The following LIFR variants were observed in gnomAD, a reference collection of about 807,000 sequenced individuals.
The protein encoded by LIFR is leukemia inhibitory factor receptor.
A neutral mutation model predicts 122.2 loss-of-function variants in LIFR; 84 were observed. The ratio of observed to expected loss-of-function variants is 0.69; its 90% CI spans 0.58 to 0.82. The LOEUF is 0.82. Among genes scored for constraint, LIFR ranks in the 40% least tolerant of loss-of-function variants. LIFR has a pLI of 0.00. For missense variants in LIFR, 1,294 were observed against 1,311.6 expected, an observed-to-expected ratio of 0.99 and a Z score of 0.21; for synonymous variants, 422 against 434.7, an observed-to-expected ratio of 0.97 and a Z score of 0.36.
Position 38,493,799 on chromosome 5 carries a change from G to A in LIFR, c.1886-14C>T. 2 of 1,610,270 alleles carry A rather than the reference G, an allele frequency of 1.2e-6. No homozygotes were observed. Among genetic ancestry groups the A allele is most frequent in the South Asian group, 1.1e-5 (1 of 90,980 alleles). On this transcript the variant is annotated splice_polypyrimidine_tract_variant and intron_variant, in intron 13 of 19. Transcript: ENST00000453190. Reference sequence around the variant, plus strand: ...TTTTGAGATCATCTTCAATAAGAAAGGAGGATATTTTACTGGCATTAAAAA... The same window carrying A: ...TTTTGAGATCATCTTCAATAAGAAAAGAGGATATTTTACTGGCATTAAAAA...
Position 38,475,713 on chromosome 5 carries a change from G to T in LIFR, c.*5882C>A, listed in dbSNP as rs1743694100. 5.3e-6 allele frequency: 1 copy of T among 188,196 alleles called. No individual in the cohort carries two copies. The highest frequency in any genetic ancestry group is 1.1e-5 in the Non-Finnish European group (1 of 89,280). 11.7% of individuals were successfully genotyped at this position (188,196 alleles called of 1,614,324 possible). On this transcript the variant is annotated 3_prime_UTR_variant, in exon 20 of 20. Transcript: ENST00000453190. The stretch of plus-strand genomic sequence containing the variant: ...CAGTAATTCACTATAATGCAATTTT[G>T]AAAGTAAAAAAAGGTAATTTCCTAG...
rs1037570036 is a variant in LIFR, at chr5:38,474,936, A to C, written c.*6659T>G. On this transcript the variant is annotated 3_prime_UTR_variant, in exon 20 of 20. Transcript: ENST00000453190. Reference sequence around the variant, plus strand: ...TCCTAAGTGTGTAACATGGGGAAAAACCCAATAATGCCCAAGTCTGTCAGT... The same window carrying C: ...TCCTAAGTGTGTAACATGGGGAAAACCCCAATAATGCCCAAGTCTGTCAGT... 2 of 159,144 alleles carry C rather than the reference A, an allele frequency of 1.3e-5. No individual in the cohort carries two copies. Among genetic ancestry groups the C allele is most frequent in the African/African-American group, 4.9e-5 (2 of 41,208 alleles). 9.9% of individuals were successfully genotyped at this position (159,144 alleles called of 1,614,324 possible).
At chr5:38,495,787 G>A (rs745848044) in intron 13 of LIFR, among the ~76,000 whole-genome samples, 2 of 152,174 alleles carry the variant, frequency 1.3e-5, no homozygotes, top group African/African-American at 2.4e-5. Flanking sequence ...AAGCTGGGAA[G>A]AATGTATTAA....
intron 16 of LIFR, among the ~76,000 whole-genome samples, chr5:38,487,747 CA>C (rs1292761369): frequency 6.6e-6 from 1 of 152,116 alleles, no homozygotes; most frequent in African/African-American, 2.4e-5. Context: ...GTAAGTGAAA[CA>C]GCGGAGAAGG....
At chr5:38,535,335 T>A (rs1747239402) in intron 1 of LIFR, among the ~76,000 whole-genome samples, 1 of 152,094 alleles carries the variant, frequency 6.6e-6, no homozygotes, top group Non-Finnish European at 1.5e-5. Context: ...CCTCTGAGAG[T>A]CCACAGGTTA....
intron 1 of LIFR, among the ~76,000 whole-genome samples, chr5:38,549,049 C>T (rs1359375558): frequency 2.6e-5 from 4 of 152,142 alleles, no homozygotes; most frequent in Admixed American, 6.5e-5. Context: ...AAAACTTGCC[C>T]AAGTTCACAC....
chr5:38,493,843 C>T, intron 13 of LIFR, 58 bp from the exon 14 acceptor site: 1 of 1,425,720 alleles, frequency 7.0e-7, no homozygotes, highest in South Asian at 1.2e-5. Context: ...TAAGGCAAAT[C>T]TCATAAAAAT....
chr5:38,594,930 G>A (rs148345123), intron 1 of LIFR: 8 of 201,838 alleles, frequency 4.0e-5, no homozygotes, highest in African/African-American at 1.8e-4. Flanking sequence ...AGGTGTCTGT[G>A]CGGTGCAGAA....
intron 1 of LIFR, among the ~76,000 whole-genome samples, chr5:38,534,264 A>G (rs186126989): frequency 6.6e-6 from 1 of 152,348 alleles, no homozygotes; most frequent in East Asian, 1.9e-4. Flanking sequence ...CCCAGTGAAG[A>G]AGGCTTTTCA....
Position 38,496,562 on chromosome 5 carries a change from G to C in LIFR, c.1705C>G (p.Leu569Val), listed in dbSNP as rs544925449. 8 of 1,613,636 alleles carry C rather than the reference G, an allele frequency of 5.0e-6. 2 individuals carry two copies. In the African/African-American group the frequency reaches 1.1e-4, roughly 22 times the overall value. Residue 569 changes from leucine to valine, a missense_variant, in exon 13 of 20, where the codon CTT becomes GTT. By Grantham distance (32) the Leu-to-Val change is conservative. Transcript: ENST00000453190. Reference sequence around the variant, plus strand: ...GATGAACACGATACATTGTAGGAAAGTATTTTTCCATTAGCTTCATTAATG... The same window carrying C: ...GATGAACACGATACATTGTAGGAAACTATTTTTCCATTAGCTTCATTAATG... ...LPINEANGKI[L>V]SYNVSCSSDE...
At chr5:38,548,667 C>T (rs1410644798) in intron 1 of LIFR, among the ~76,000 whole-genome samples, 1 of 152,138 alleles carries the variant, frequency 6.6e-6, no homozygotes, top group Non-Finnish European at 1.5e-5. Context: ...AGATCAGACC[C>T]TGACCTTCAA....
chr5:38,501,985 T>TC (rs1439683194), intron 11 of LIFR, among the ~76,000 whole-genome samples: 2 of 150,542 alleles, frequency 1.3e-5, no homozygotes, highest in African/African-American at 4.9e-5. Flanking sequence ...GTAATTGTTT[T>TC]TTTTTTTTAA....
chr5:38,487,513 T>C (rs1280036352), intron 16 of LIFR, among the ~76,000 whole-genome samples: 1 of 152,202 alleles, frequency 6.6e-6, no homozygotes, highest in Admixed American at 6.5e-5. Flanking sequence ...TACCTTGGCA[T>C]AGATCTTTTT....
At chr5:38,530,358 CTA>C (rs1746935394) in intron 2 of LIFR, 146 bp downstream of exon 2, 1 of 672,724 alleles carries the variant, frequency 1.5e-6, no homozygotes, top group African/African-American at 1.9e-5. Context: ...TTAAAAGAAA[CTA>C]AAAGTACATA....
chr5:38,499,511 A>C lies in LIFR; in HGVS notation c.1671+2T>G. Reference sequence around the variant, plus strand: ...ATGTTCACAGAAAAATTAGATATTTACCTTCCAATAGATTATTAAATTTTT... The same window carrying C: ...ATGTTCACAGAAAAATTAGATATTTCCCTTCCAATAGATTATTAAATTTTT... On this transcript the variant is annotated splice_donor_variant, in intron 12 of 19. Coordinates refer to ENST00000453190, the MANE Select transcript of LIFR (RefSeq NM_001127671.2). LOFTEE classifies it high-confidence loss of function. The C allele has an allele frequency of 6.4e-7, 1 of 1,571,042 alleles. No homozygotes were observed. Among genetic ancestry groups the C allele is most frequent in the Non-Finnish European group, 8.8e-7 (1 of 1,140,730 alleles).
At chr5:38,541,474 C>A (rs1290535318) in intron 1 of LIFR, among the ~76,000 whole-genome samples, 1 of 152,180 alleles carries the variant, frequency 6.6e-6, no homozygotes, top group African/African-American at 2.4e-5. Context: ...TGAACAAAAT[C>A]TTTTCTAATA....
chr5:38,556,288 G>T (rs1266967327), intron 1 of LIFR, 46 bp downstream of exon 1: 1 of 151,720 alleles, frequency 6.6e-6, no homozygotes, highest in African/African-American at 2.4e-5. Context: ...TCGGGGCTCC[G>T]CGGCTCCCCT....
At chr5:38,535,131 G>A (rs571006645) in intron 1 of LIFR, among the ~76,000 whole-genome samples, 1 of 152,294 alleles carries the variant, frequency 6.6e-6, no homozygotes, top group South Asian at 2.1e-4. Flanking sequence ...TACAACTGGA[G>A]TCAGAACCTA....
At position 38,530,669 on chromosome 5, in the gene LIFR, A is replaced by G; in HGVS notation, c.-19-3T>C. On this transcript the variant is annotated splice_region_variant and splice_polypyrimidine_tract_variant and intron_variant, in intron 1 of 19. Transcript: ENST00000453190. ...TCATCTGTGCAATGCAGTCAGTCCTAGGTTAGGAGAGGAATTCCAGATGGT... is the reference window on the plus strand; with the variant it reads ...TCATCTGTGCAATGCAGTCAGTCCTGGGTTAGGAGAGGAATTCCAGATGGT... 1.2e-6 allele frequency: 2 copies of G among 1,612,786 alleles called. No homozygotes were observed. The highest frequency in any genetic ancestry group is 1.1e-5 in the South Asian group (1 of 91,064).
Sources: allele counts gnomAD v4.1 joint callset (sites outside exome capture counted in the v4.1 genomes callset), GRCh38; gene constraint gnomAD v4.1.1; transcripts MANE v1.5; gene names NCBI Gene and HGNC (gene_info 2026-07-23, HGNC 2026-07-21).